The following BCL2 variants were observed in gnomAD, a reference collection of about 807,000 sequenced individuals.
The protein encoded by BCL2 is BCL2 apoptosis regulator, also known as apoptosis regulator Bcl-2.
BCL2 carries 1 observed loss-of-function variant against 14.2 expected under a neutral mutation model. The observed-to-expected ratio is 0.07, with a 90% confidence interval of 0.02 to 0.33. BCL2 has a LOEUF of 0.33. BCL2 is among the 10% of genes least tolerant of loss of function. The probability of loss-of-function intolerance (pLI) is 0.99; values close to 1 mark genes in which losing one functional copy is unlikely to be tolerated. For missense variants in BCL2, 247 were observed against 305.9 expected (o/e 0.81, Z 1.44); for synonymous variants, 151 against 137.2 (o/e 1.10, Z -0.70).
chr18:63,144,031 G>A (rs1465643483), intron 2 of BCL2, among the ~76,000 whole-genome samples: 1 of 152,220 alleles, frequency 6.6e-6, no homozygotes, highest in Non-Finnish European at 1.5e-5. Context: ...ATAAGCTCAA[G>A]TTTGGGCTGG....
intron 2 of BCL2, among the ~76,000 whole-genome samples, chr18:63,260,229 T>C (rs1192180813): frequency 6.6e-6 from 1 of 152,184 alleles, no homozygotes; most frequent in Non-Finnish European, 1.5e-5. Context: ...ACACCTAATT[T>C]TCCTCATTCC....
rs1283158839 is a variant in BCL2, at chr18:63,259,557, C to G, written c.585+58525G>C. Among the ~76,000 whole-genome samples the G allele has an allele frequency of 2.6e-5, 4 of 152,266 alleles. No individual in the cohort carries two copies. In the East Asian group the frequency reaches 7.7e-4, roughly 29 times the overall value. On this transcript the variant is annotated intron_variant, in intron 2 of 2. Coordinates refer to ENST00000333681, the MANE Select transcript of BCL2 (RefSeq NM_000633.3). ...TCAGCAGCAGAATCCTGATGGCAGT[C>G]ATTGCCCAAGGGGAAACCGTTTGCT...
chr18:63,213,684 A>G lies in BCL2; in HGVS notation c.586-84925T>C, dbSNP rs78580707. On this transcript the variant is annotated intron_variant, in intron 2 of 2. Coordinates refer to ENST00000333681, the MANE Select transcript of BCL2 (RefSeq NM_000633.3). ...CTCATGACTTTTCCCGGCACTGAGA[A>G]TGCACTGAAGAATGATGAAATCACA... Among the ~76,000 whole-genome samples the G allele has an allele frequency of 5.4e-3, 820 of 152,304 alleles. 8 individuals are homozygous for G. Among genetic ancestry groups the G allele is most frequent in the African/African-American group, 0.018 (768 of 41,576 alleles).
chr18:63,226,120 C>T (rs1910536645), intron 2 of BCL2, among the ~76,000 whole-genome samples: 1 of 152,198 alleles, frequency 6.6e-6, no homozygotes, highest in Non-Finnish European at 1.5e-5. Context: ...CCAGCCATCC[C>T]TGGCCAAACT....
At chr18:63,305,475 G>C (rs1029755249) in intron 2 of BCL2, among the ~76,000 whole-genome samples, 1 of 152,148 alleles carries the variant, frequency 6.6e-6, no homozygotes, top group East Asian at 1.9e-4. Context: ...TGTGTGTGGG[G>C]AGGAAAGTAG....
chr18:63,240,334 G>C (rs968536206), intron 2 of BCL2, among the ~76,000 whole-genome samples: 2 of 118,228 alleles, frequency 1.7e-5, no homozygotes, highest in African/African-American at 5.0e-5. Context: ...TTTCCCCACA[G>C]AAGCCTTTCT....
intron 2 of BCL2, among the ~76,000 whole-genome samples, chr18:63,233,847 G>GCATTAAACTACAACATTTTCT (rs1433803943): frequency 1.5e-4 from 23 of 152,036 alleles, no homozygotes; most frequent in Admixed American, 2.6e-4. Context: ...TGTCAGTTTG[G>GCATTAAACTACAACATTTTCT]GGTCACAAAA....
chr18:63,171,712 A>G (rs1915225331), intron 2 of BCL2, among the ~76,000 whole-genome samples: 1 of 152,260 alleles, frequency 6.6e-6, no homozygotes, highest in South Asian at 2.1e-4. Context: ...CACATAGCTC[A>G]TGCCTGTGAT....
At chr18:63,282,280 C>A (rs1396190685) in intron 2 of BCL2, among the ~76,000 whole-genome samples, 1 of 152,190 alleles carries the variant, frequency 6.6e-6, no homozygotes, top group Non-Finnish European at 1.5e-5. Flanking sequence ...GTTTAAGCTG[C>A]AGTTCTGATT....
chr18:63,124,934 G>T lies in BCL2; in HGVS notation c.*3691C>A. 1 of 222,928 alleles carries T rather than the reference G, an allele frequency of 4.5e-6. No homozygotes were observed. Among genetic ancestry groups the T allele is most frequent in the Non-Finnish European group, 9.0e-6 (1 of 111,274 alleles). 13.8% of individuals were successfully genotyped at this position (222,928 alleles called of 1,614,324 possible). A position where few individuals can be genotyped will look rare whatever the true frequency, so the allele number is the denominator to read the frequency against. On this transcript the variant is annotated 3_prime_UTR_variant, in exon 3 of 3. Transcript: ENST00000333681. Reference sequence around the variant, plus strand: ...AAACAGCCACTGCCTTAAAAGTACAGTTGGAATTAATTAGAGTTTAAGTTC... The same window carrying T: ...AAACAGCCACTGCCTTAAAAGTACATTTGGAATTAATTAGAGTTTAAGTTC...
In BCL2 at chr18:63,170,231, C is replaced by T. The variant is rs983657066; in HGVS notation, c.586-41472G>A. On this transcript the variant is annotated intron_variant, in intron 2 of 2. Coordinates refer to ENST00000333681, the MANE Select transcript of BCL2 (RefSeq NM_000633.3). ...ATATACGACATGCTTAAAACAGTGA[C>T]GGGCACATGGTAAGTGTGAGCTCTC... Among the ~76,000 whole-genome samples the T allele has an allele frequency of 5.3e-5, 8 of 152,118 alleles. 1 individual carries two copies. In the South Asian group the frequency reaches 6.2e-4, roughly 12 times the overall value.
intron 1 of BCL2, 59 bp downstream of exon 1, chr18:63,319,115 A>T (rs1913612235): frequency 2.0e-6 from 2 of 996,024 alleles, no homozygotes; most frequent in Non-Finnish European, 2.5e-6. Context: ...TTAAGTAAAA[A>T]ATCTCAAAGG....
At position 63,128,385 on chromosome 18, in the gene BCL2, A is replaced by G. The variant is rs1389311010; in HGVS notation, c.*240T>C. ...TTAAATAAATAAATCTTTTTTTCTTAATAATGTAAAAAATAAATGATATTT... is the reference window on the plus strand; with the variant it reads ...TTAAATAAATAAATCTTTTTTTCTTGATAATGTAAAAAATAAATGATATTT... On this transcript the variant is annotated 3_prime_UTR_variant, in exon 3 of 3. Transcript: ENST00000333681. 2.6e-6 allele frequency: 1 copy of G among 384,696 alleles called. No homozygotes were observed. The highest frequency in any genetic ancestry group is 4.6e-6 in the Non-Finnish European group (1 of 215,402). The allele number at this position is 384,696 out of a possible 1,614,324, so 23.8% of individuals were successfully genotyped here.
At chr18:63,219,912 G>A (rs547731729) in intron 2 of BCL2, among the ~76,000 whole-genome samples, 16 of 152,264 alleles carry the variant, frequency 1.1e-4, no homozygotes, top group South Asian at 4.1e-4. Flanking sequence ...GGTAAAATCC[G>A]TATGTTTCAA....
intron 2 of BCL2, among the ~76,000 whole-genome samples, chr18:63,301,784 C>G (rs1172491773): frequency 6.6e-6 from 1 of 152,158 alleles, no homozygotes; most frequent in Non-Finnish European, 1.5e-5. Context: ...GAAACCAGTG[C>G]GCCTGTCCAC....
At chr18:63,201,167 A>G (rs1459272030) in intron 2 of BCL2, among the ~76,000 whole-genome samples, 1 of 152,216 alleles carries the variant, frequency 6.6e-6, no homozygotes, top group Non-Finnish European at 1.5e-5. Flanking sequence ...GACCACTCTT[A>G]ACCGCAGGCT....
chr18:63,167,221 T>C (rs1464086235), intron 2 of BCL2, among the ~76,000 whole-genome samples: 1 of 152,220 alleles, frequency 6.6e-6, no homozygotes, highest in East Asian at 1.9e-4. Context: ...CATTCATCTA[T>C]CTACCTCCCT....
At chr18:63,160,488 A>T (rs1914893831) in intron 2 of BCL2, among the ~76,000 whole-genome samples, 1 of 152,068 alleles carries the variant, frequency 6.6e-6, no homozygotes, top group Non-Finnish European at 1.5e-5. Context: ...CATAGGGGCA[A>T]ATGTTCTCTG....
At chr18:63,271,458 C>A (rs1270352156) in intron 2 of BCL2, among the ~76,000 whole-genome samples, 1 of 152,126 alleles carries the variant, frequency 6.6e-6, no homozygotes, top group Non-Finnish European at 1.5e-5. Context: ...AGAAAGAAAA[C>A]TTGATCTGAT....
Sources: gnomAD v4.1 joint callset for allele counts (sites outside exome capture counted in the v4.1 genomes callset) on GRCh38, gnomAD v4.1.1 for gene constraint, MANE v1.5 for transcripts, NCBI Gene and HGNC (gene_info 2026-07-23, HGNC 2026-07-21) for gene names.